ARV1: variants seen among roughly 807,000 people sequenced by gnomAD.
ARV1 encodes ARV1 fatty acid homeostasis modulator.
A neutral mutation model predicts 31.1 loss-of-function variants in ARV1; 26 were observed. The observed-to-expected ratio is 0.84, with a 90% confidence interval of 0.61 to 1.16. The LOEUF (loss-of-function observed/expected upper bound fraction) is 1.16. ARV1 is among the 50% of genes most tolerant of loss of function. ARV1 has a pLI of 0.00. For missense variants in ARV1, 281 were observed against 324.9 expected, an observed-to-expected ratio of 0.86 and a Z score of 1.04; for synonymous variants, 117 against 123.2, an observed-to-expected ratio of 0.95 and a Z score of 0.34.
chr1:230,995,820 C>CAA lies in ARV1; in HGVS notation c.517_518dup (p.Pro174SerfsTer8). 6.3e-7 allele frequency: 1 copy of CAA among 1,597,442 alleles called. No homozygotes were observed. The highest frequency in any genetic ancestry group is 8.6e-7 in the Non-Finnish European group (1 of 1,169,306). ...CTGTGGGTAGAACGGCCCATGACGG[C>CAA]AAAAAAAAAGCCCAACTTCATTTTG... On this transcript the variant is annotated frameshift_variant, in exon 4 of 6. Coordinates refer to ENST00000310256, the MANE Select transcript of ARV1 (RefSeq NM_022786.3). LOFTEE classifies it high-confidence loss of function.
At chr1:230,982,537 C>A (rs140344280) in intron 1 of ARV1, among the ~76,000 whole-genome samples, 2 of 152,194 alleles carry the variant, frequency 1.3e-5, no homozygotes, top group African/African-American at 4.8e-5. Context: ...CCTTTGTTCC[C>A]TAACATGATA....
At chr1:230,980,399 C>T (rs1433583105) in intron 1 of ARV1, among the ~76,000 whole-genome samples, 2 of 151,826 alleles carry the variant, frequency 1.3e-5, no homozygotes, top group Non-Finnish European at 2.9e-5. Flanking sequence ...TGCAGTGGGG[C>T]ACTCTCAGCT....
At chr1:230,998,576 CT>C (rs1367122754) in intron 5 of ARV1, among the ~76,000 whole-genome samples, 1 of 152,132 alleles carries the variant, frequency 6.6e-6, no homozygotes, top group Non-Finnish European at 1.5e-5. Context: ...GTAAAACATA[CT>C]TTCACCCAGA....
intron 1 of ARV1, among the ~76,000 whole-genome samples, chr1:230,984,373 T>TGTGC (rs1553303985): frequency 5.4e-5 from 6 of 111,016 alleles, no homozygotes; most frequent in African/African-American, 1.7e-4. Flanking sequence ...CGTGTGTGTG[T>TGTGC]GTGTGTGTGT....
chr1:230,985,054 A>G (rs1344444825), intron 1 of ARV1, among the ~76,000 whole-genome samples: 1 of 152,182 alleles, frequency 6.6e-6, no homozygotes, highest in Non-Finnish European at 1.5e-5. Context: ...AGCTAGAGAG[A>G]GTCTTACTTA....
chr1:230,990,048 T>C (rs764849704), intron 2 of ARV1, 62 bp from the exon 3 acceptor site: 12 of 1,496,058 alleles, frequency 8.0e-6, no homozygotes, highest in Non-Finnish European at 1.1e-5. Flanking sequence ...ACTCTGTACC[T>C]GTTGATACTA....
intron 1 of ARV1, among the ~76,000 whole-genome samples, chr1:230,987,234 T>G (rs993317444): frequency 4.7e-4 from 71 of 152,296 alleles, no homozygotes; most frequent in African/African-American, 1.6e-3. Flanking sequence ...AAGGGATGAT[T>G]CACATCCCGG....
At chr1:230,980,067 A>G (rs1678814277) in intron 1 of ARV1, among the ~76,000 whole-genome samples, 1 of 152,196 alleles carries the variant, frequency 6.6e-6, no homozygotes, top group Non-Finnish European at 1.5e-5. Flanking sequence ...GGTCTGTAGT[A>G]ATATACAAGA....
chr1:230,990,068 G>C (rs1479589401), intron 2 of ARV1, 42 bp from the exon 3 acceptor site: 1 of 1,564,124 alleles, frequency 6.4e-7, no homozygotes, highest in Non-Finnish European at 8.6e-7. Context: ...AGTGCAACTG[G>C]GTTTCCTTAC....
Position 230,995,849 on chromosome 1 carries a change from C to T in ARV1, c.538C>T (p.Leu180=), listed in dbSNP as rs756632613. The T allele has an allele frequency of 3.6e-5, 58 of 1,613,976 alleles. No homozygotes were observed. Among genetic ancestry groups the T allele is most frequent in the Non-Finnish European group, 4.8e-5 (57 of 1,180,012 alleles). Residue 180 remains leucine (L), a synonymous_variant, in exon 4 of 6, where the codon CTG becomes TTG. Coordinates refer to ENST00000310256, the MANE Select transcript of ARV1 (RefSeq NM_022786.3). The stretch of plus-strand genomic sequence containing the variant: ...AAAAAAGCCCAACTTCATTTTGCTG[C>T]TGAAAGCATTATTATTATCTAGCTA... ...AKKKPNFILL[L]KALLLSSYGK...
At chr1:230,998,745 G>GA (rs75089395) in intron 5 of ARV1, among the ~76,000 whole-genome samples, 1,382 of 135,496 alleles carry the variant, frequency 0.01, 10 homozygotes, top group African/African-American at 0.026. Context: ...ATCTTTACAG[G>GA]AAAAAAAAAA....
intron 1 of ARV1, among the ~76,000 whole-genome samples, chr1:230,983,294 C>A (rs1678963367): frequency 6.6e-6 from 1 of 151,862 alleles, no homozygotes; most frequent in Admixed American, 6.6e-5. Flanking sequence ...CTCTTGTAAT[C>A]CCAGCTACTC....
At chr1:230,979,398 G>A in intron 1 of ARV1, 119 bp downstream of exon 1, 1 of 1,165,904 alleles carries the variant, frequency 8.6e-7, no homozygotes, top group East Asian at 2.6e-5. Flanking sequence ...TCCCGCCCGG[G>A]ATCTTTGCAT....
chr1:230,981,228 A>G (rs1042338366), intron 1 of ARV1, among the ~76,000 whole-genome samples: 1 of 152,172 alleles, frequency 6.6e-6, no homozygotes, highest in African/African-American at 2.4e-5. Flanking sequence ...TGAAGAGCTC[A>G]TTCTGTCTCA....
intron 3 of ARV1, among the ~76,000 whole-genome samples, chr1:230,992,532 C>T (rs973668449): frequency 6.6e-6 from 1 of 152,222 alleles, no homozygotes; most frequent in African/African-American, 2.4e-5. Context: ...TCCCCACTAA[C>T]ATGTCAACTG....
intron 3 of ARV1, among the ~76,000 whole-genome samples, chr1:230,995,272 T>G (rs2103055390): frequency 6.6e-6 from 1 of 152,296 alleles, no homozygotes; most frequent in Middle Eastern, 3.4e-3. Context: ...AAAGGAAGTC[T>G]CAGTTAACAA....
chr1:230,997,037 C>G (rs767522449), intron 4 of ARV1, 84 bp from the exon 5 acceptor site: 2 of 1,497,920 alleles, frequency 1.3e-6, no homozygotes, highest in Non-Finnish European at 1.8e-6. Flanking sequence ...AACAGCTTTA[C>G]AAAACAATTC....
intron 3 of ARV1, among the ~76,000 whole-genome samples, 174 bp downstream of exon 3, chr1:230,990,437 CCTG>C (rs899626153): frequency 3.9e-5 from 6 of 152,152 alleles, no homozygotes; most frequent in African/African-American, 1.2e-4. Context: ...GTTTGAATCA[CCTG>C]CTTTTTAAAA....
In ARV1 at chr1:230,999,220, G is replaced by A. The variant is rs78467122; in HGVS notation, c.*5-918G>A. Among the ~76,000 whole-genome samples the A allele has an allele frequency of 1.1e-3, 171 of 152,280 alleles. 6 individuals are homozygous for A. In the East Asian group the frequency reaches 0.027, roughly 24 times the overall value. On this transcript the variant is annotated intron_variant, in intron 5 of 5. Coordinates refer to ENST00000310256, the MANE Select transcript of ARV1 (RefSeq NM_022786.3). ...CCTGCCATTACCTCAAGTGTCCACA[G>A]GTCTGATGTGGAATTCGGTGTCACC...
Sources: gnomAD v4.1 joint callset for allele counts (sites outside exome capture counted in the v4.1 genomes callset) on GRCh38, gnomAD v4.1.1 for gene constraint, MANE v1.5 for transcripts, NCBI Gene and HGNC (gene_info 2026-07-23, HGNC 2026-07-21) for gene names.